CFAP91: variants seen among roughly 807,000 people sequenced by gnomAD.
The protein encoded by CFAP91 is cilia and flagella associated protein 91.
CFAP91 carries 85 observed loss-of-function variants against 95.9 expected under a neutral mutation model. That is an observed-to-expected ratio of 0.89 (90% CI 0.74 to 1.06). The LOEUF (loss-of-function observed/expected upper bound fraction) is 1.06. CFAP91 is among the 50% of genes least tolerant of loss of function. CFAP91 has a pLI of 0.00. For synonymous variants in CFAP91, 335 were observed against 327.5 expected (o/e 1.02, Z -0.25); for missense variants, 962 against 943.4 (o/e 1.02, Z -0.26).
intron 10 of CFAP91, among the ~76,000 whole-genome samples, chr3:119,737,087 C>T (rs370407883): frequency 3.3e-4 from 50 of 152,132 alleles, no homozygotes; most frequent in Non-Finnish European, 2.5e-4. Flanking sequence ...TATCATAGCA[C>T]GTCTTGAGAG....
Position 119,705,656 on chromosome 3 carries a change from C to T in CFAP91, c.125-1153C>T, listed in dbSNP as rs530258020. Among the ~76,000 whole-genome samples the T allele has an allele frequency of 5.9e-5, 9 of 152,256 alleles. No individual in the cohort carries two copies. The South Asian group carries it at 1.2e-3, about 21-fold the overall frequency. ...AAATTGCAACCCAATCTTCCTTACC[C>T]GATTTCTTCTTTTTTAAAAATAACA... On this transcript the variant is annotated intron_variant, in intron 1 of 17. Transcript: ENST00000273390.
intron 13 of CFAP91, among the ~76,000 whole-genome samples, chr3:119,741,315 G>C (rs2054117966): frequency 6.6e-6 from 1 of 151,994 alleles, no homozygotes; most frequent in Non-Finnish European, 1.5e-5. Flanking sequence ...ATTTCAGTTA[G>C]TGAGGGCTTT....
In CFAP91 at chr3:119,739,167, T is replaced by C. The variant is rs1388159075; in HGVS notation, c.1462-88T>C. 3 of 1,098,234 alleles carry C rather than the reference T, an allele frequency of 2.7e-6. No individual in the cohort carries two copies. In the South Asian group the frequency reaches 3.8e-5, roughly 14 times the overall value. The allele number at this position is 1,098,234 out of a possible 1,614,324, so 68.0% of individuals were successfully genotyped here. A position where few individuals can be genotyped will look rare whatever the true frequency, so the allele number is the denominator to read the frequency against. ...TCTTTTTGGCATCTAGCACAGTCTG[T>C]TTTGCTTGAAATAAGTCTTCAAAAG... is the stretch of plus-strand genomic sequence containing the variant. On this transcript the variant is annotated intron_variant, in intron 11 of 17. Transcript: ENST00000273390.
At position 119,740,586 on chromosome 3, in the gene CFAP91, A is replaced by G. The variant is rs1417948575; in HGVS notation, c.1571A>G (p.Gln524Arg). 1.2e-6 allele frequency: 2 copies of G among 1,614,076 alleles called. No homozygotes were observed. Among genetic ancestry groups the G allele is most frequent in the East Asian group, 2.2e-5 (1 of 44,898 alleles). Reference sequence around the variant, plus strand: ...AAAGAAAAGCGACTGGAGTTGATCCAGGAGTTGCGCACCTGCCACGCACTA... The same window carrying G: ...AAAGAAAAGCGACTGGAGTTGATCCGGGAGTTGCGCACCTGCCACGCACTA... ...EGKEKRLELIQELRTCHALQE... is the reference protein window; with the variant it reads ...EGKEKRLELIRELRTCHALQE... Residue 524 changes from glutamine to arginine, a missense_variant, in exon 13 of 18, where the codon CAG becomes CGG. By Grantham distance (43) the Gln-to-Arg change is conservative. Transcript: ENST00000273390.
intron 6 of CFAP91, among the ~76,000 whole-genome samples, chr3:119,722,126 A>G (rs1275729946): frequency 6.7e-6 from 1 of 150,120 alleles, no homozygotes; most frequent in Admixed American, 6.7e-5. Context: ...ACAGTGAACC[A>G]TGATCTTGCC....
chr3:119,733,323 G>GT (rs1553708682), intron 9 of CFAP91, 41 bp from the exon 10 acceptor site: 2 of 1,598,890 alleles, frequency 1.3e-6, no homozygotes, highest in Non-Finnish European at 1.7e-6. Flanking sequence ...AATAATAAAC[G>GT]TAAGCACTGG....
rs756704667 is a variant in CFAP91, at chr3:119,737,359, A to G, written c.1345-7A>G. ...AAAAGAGATTATATTAATTGGCATT[A>G]TTTCAGGCACTGTTGGATAAGAAGA... On this transcript the variant is annotated splice_polypyrimidine_tract_variant and splice_region_variant and intron_variant, in intron 10 of 17. Coordinates refer to ENST00000273390, the MANE Select transcript of CFAP91 (RefSeq NM_033364.4). 1.3e-6 allele frequency: 2 copies of G among 1,524,918 alleles called. No homozygotes were observed. Among genetic ancestry groups the G allele is most frequent in the Non-Finnish European group, 1.8e-6 (2 of 1,121,306 alleles). 94.5% of individuals were successfully genotyped at this position (1,524,918 alleles called of 1,614,324 possible). A position where few individuals can be genotyped will look rare whatever the true frequency, so the allele number is the denominator to read the frequency against.
rs1186370643 is a variant in CFAP91 at position 119,744,165 on chromosome 3, G to A, written c.1871G>A (p.Arg624His). ...ESGRRQVEKQ[R>H]LREEDEIFKE... Reference sequence around the variant, plus strand: ...GGTCGGCGCCAGGTGGAAAAACAGCGCCTGCGGGAGGAGGACGAGATATTT... The same window carrying A: ...GGTCGGCGCCAGGTGGAAAAACAGCACCTGCGGGAGGAGGACGAGATATTT... The change falls in exon 14 of 18, where the codon CGC (arginine) becomes CAC (histidine). Residue 624 changes from arginine (R) to histidine (H), a missense_variant. Transcript: ENST00000273390. 1.2e-5 allele frequency: 20 copies of A among 1,613,610 alleles called. No individual in the cohort carries two copies. Among genetic ancestry groups the A allele is most frequent in the Non-Finnish European group, 1.5e-5 (18 of 1,179,682 alleles).
chr3:119,761,711 A>G (rs924446509), intron 17 of CFAP91, among the ~76,000 whole-genome samples: 1 of 152,006 alleles, frequency 6.6e-6, no homozygotes, highest in Non-Finnish European at 1.5e-5. Flanking sequence ...GTGATATACC[A>G]TATTAACAGA....
chr3:119,742,896 A>G (rs544402002), intron 13 of CFAP91, among the ~76,000 whole-genome samples: 1 of 152,258 alleles, frequency 6.6e-6, no homozygotes, highest in South Asian at 2.1e-4. Context: ...ATAGAGGGAG[A>G]ACTGTCACTG....
intron 5 of CFAP91, among the ~76,000 whole-genome samples, chr3:119,711,354 G>T (rs745449155): frequency 6.6e-6 from 1 of 152,180 alleles, no homozygotes; most frequent in East Asian, 1.9e-4. Context: ...CAAAAGGGGA[G>T]CTATGAGCTA....
intron 17 of CFAP91, among the ~76,000 whole-genome samples, chr3:119,760,814 A>G (rs934377774): frequency 2.0e-5 from 3 of 151,804 alleles, no homozygotes; most frequent in Non-Finnish European, 4.4e-5. Flanking sequence ...AAATTAAAAA[A>G]AAAACCTTGA....
intron 5 of CFAP91, chr3:119,713,064 T>A (rs114530344): frequency 0.14 from 20,943 of 152,068 alleles, 1,686 homozygotes; most frequent in African/African-American, 0.22. Context: ...AATGCTTTTT[T>A]AAAAAATTTT....
chr3:119,750,781 CAG>C (rs1319997340), intron 16 of CFAP91, among the ~76,000 whole-genome samples, 154 bp from the exon 17 acceptor site: 2 of 152,110 alleles, frequency 1.3e-5, no homozygotes, highest in African/African-American at 4.8e-5. Context: ...TGGGCTGAAC[CAG>C]AGAGTGGGAA....
rs112688497 is a variant in CFAP91, at chr3:119,732,466, C to T, written c.1191C>T (p.Asn397=). Residue 397 remains asparagine, a synonymous_variant, in exon 9 of 18, where the codon AAC becomes AAT. Transcript: ENST00000273390. ...TTGTAGTAAAAAACTACTATCTCAA[C>T]ACCTATGAAGGTAAGCAATTTACAT... The part of the protein sequence containing the change: ...EDFVVKNYYL[N]TYEGLVELES... 14 of 1,598,602 alleles carry T rather than the reference C, an allele frequency of 8.8e-6. No homozygotes were observed. The African/African-American group carries it at 1.1e-4, about 12-fold the overall frequency.
At chr3:119,704,143 TAAATC>T (rs1430952618) in intron 1 of CFAP91, among the ~76,000 whole-genome samples, 2 of 151,918 alleles carry the variant, frequency 1.3e-5, no homozygotes, top group Non-Finnish European at 2.9e-5. Context: ...TTTTGTGAAA[TAAATC>T]AAGTTAGCTC....
In CFAP91 at chr3:119,715,731, A is replaced by G. The variant is rs1210650446; in HGVS notation, c.670A>G (p.Thr224Ala). 3.1e-6 allele frequency: 5 copies of G among 1,613,854 alleles called. No homozygotes were observed. Among genetic ancestry groups the G allele is most frequent in the Non-Finnish European group, 3.4e-6 (4 of 1,179,854 alleles). ...AATCCCTGAGCTCTTGACCCTGGCT[A>G]CGCTTACTTGGGGTGAGTTGGTAAA... is the stretch of plus-strand genomic sequence containing the variant. Reference protein sequence around the residue: ...DSIPELLTLATLTWGRGLPAG... With the variant: ...DSIPELLTLAALTWGRGLPAG... Residue 224 changes from threonine to alanine, a missense_variant, in exon 6 of 18, where the codon ACG (threonine) becomes GCG (alanine). Transcript: ENST00000273390.
At chr3:119,729,814 T>C (rs1436295521) in intron 7 of CFAP91, among the ~76,000 whole-genome samples, 1 of 152,174 alleles carries the variant, frequency 6.6e-6, no homozygotes, top group Non-Finnish European at 1.5e-5. Context: ...GGAACTGGCA[T>C]TTTCACCTCA....
At chr3:119,722,885 AT>A (rs1432882835) in intron 6 of CFAP91, among the ~76,000 whole-genome samples, 1 of 152,172 alleles carries the variant, frequency 6.6e-6, no homozygotes, top group Non-Finnish European at 1.5e-5. Flanking sequence ...AAAAGTATAA[AT>A]TATTCTTTAA....
Sources: allele counts gnomAD v4.1 joint callset (sites outside exome capture counted in the v4.1 genomes callset), GRCh38; gene constraint gnomAD v4.1.1; transcripts MANE v1.5; gene names NCBI Gene and HGNC (gene_info 2026-07-23, HGNC 2026-07-21).